The following ANKRD11 variants were observed in gnomAD, a reference collection of about 807,000 sequenced individuals.
ANKRD11 encodes ankyrin repeat domain-containing protein 11.
In ANKRD11, 17 loss-of-function variants were observed where a neutral mutation model predicts 195.7. The ratio of observed to expected loss-of-function variants is 0.09; its 90% CI spans 0.06 to 0.13. ANKRD11 has a LOEUF of 0.13. ANKRD11 is among the 10% of genes least tolerant of loss of function. ANKRD11 has a pLI of 1.00. For missense variants in ANKRD11, 3,735 were observed against 3,566.1 expected (o/e 1.05, Z -1.21); for synonymous variants, 1,953 against 1,528.1 (o/e 1.28, Z -6.49).
chr16:89,272,704 T>C (rs1019786431), intron 11 of ANKRD11: 67 of 152,098 alleles, frequency 4.4e-4, no homozygotes, highest in African/African-American at 1.5e-3. Context: ...ATTGAAACGG[T>C]GTCCACACTC....
chr16:89,306,585 G>A (rs868687474), intron 3 of ANKRD11, among the ~76,000 whole-genome samples: 56 of 24,370 alleles, frequency 2.3e-3, no homozygotes, highest in Admixed American at 3.5e-3. Flanking sequence ...CTCCCACTCC[G>A]CAGACACGCG....
At chr16:89,436,664 G>C (rs902418285) in intron 1 of ANKRD11, among the ~76,000 whole-genome samples, 2 of 152,184 alleles carry the variant, frequency 1.3e-5, no homozygotes, top group Non-Finnish European at 2.9e-5. Flanking sequence ...CCTCTAAGCT[G>C]CTCCTTCAGA....
intron 2 of ANKRD11, among the ~76,000 whole-genome samples, chr16:89,336,368 G>C (rs551153303): frequency 6.6e-6 from 1 of 152,182 alleles, no homozygotes; most frequent in Non-Finnish European, 1.5e-5. Context: ...GCGGGTGTGC[G>C]TCCACAGACA....
At chr16:89,315,924 C>T (rs1034251358) in intron 3 of ANKRD11, among the ~76,000 whole-genome samples, 1 of 151,970 alleles carries the variant, frequency 6.6e-6, no homozygotes, top group Non-Finnish European at 1.5e-5. Flanking sequence ...CAGGAAGCAG[C>T]AAGAGGCCTC....
intron 2 of ANKRD11, among the ~76,000 whole-genome samples, chr16:89,363,881 C>T (rs1465071832): frequency 1.3e-5 from 2 of 151,912 alleles, no homozygotes; most frequent in African/African-American, 4.8e-5. Context: ...CGTGGCAAAA[C>T]CCTGTCTCTA....
chr16:89,292,258 C>T (rs1474622270), intron 4 of ANKRD11, among the ~76,000 whole-genome samples: 2 of 152,200 alleles, frequency 1.3e-5, no homozygotes, highest in Non-Finnish European at 2.9e-5. Flanking sequence ...AGCCTCTCTT[C>T]AGGACTTCTC....
chr16:89,357,326 G>A (rs1239650781), intron 2 of ANKRD11, among the ~76,000 whole-genome samples: 1 of 152,148 alleles, frequency 6.6e-6, no homozygotes, highest in East Asian at 1.9e-4. Flanking sequence ...GTGTCCCGGG[G>A]ACAGGACACT....
chr16:89,449,366 G>A (rs547269772), intron 1 of ANKRD11, among the ~76,000 whole-genome samples: 24 of 151,864 alleles, frequency 1.6e-4, no homozygotes, highest in Non-Finnish European at 3.2e-4. Context: ...CCCTGTCTCA[G>A]AAAAAAAGAA....
At chr16:89,338,763 G>A (rs2038509996) in intron 2 of ANKRD11, among the ~76,000 whole-genome samples, 1 of 137,442 alleles carries the variant, frequency 7.3e-6, no homozygotes, top group African/African-American at 2.6e-5. Flanking sequence ...GCGAGCTTTT[G>A]TAGAAACAGG....
chr16:89,459,467 C>G (rs573414491), intron 1 of ANKRD11: 44 of 152,306 alleles, frequency 2.9e-4, no homozygotes, highest in African/African-American at 1.1e-3. Context: ...AGTATCCTTT[C>G]CTTTCTTTTT....
chr16:89,309,558 G>C (rs2036495606), intron 3 of ANKRD11, among the ~76,000 whole-genome samples: 1 of 152,208 alleles, frequency 6.6e-6, no homozygotes, highest in Admixed American at 6.5e-5. Flanking sequence ...AGCTGCGCAA[G>C]GAAAAGCACA....
At chr16:89,406,313 G>C (rs1018872246) in intron 2 of ANKRD11, among the ~76,000 whole-genome samples, 2 of 152,178 alleles carry the variant, frequency 1.3e-5, no homozygotes, top group Non-Finnish European at 2.9e-5. Flanking sequence ...CAGAAGCACA[G>C]ACCCTCACTG....
intron 1 of ANKRD11, among the ~76,000 whole-genome samples, chr16:89,447,166 T>C (rs979770493): frequency 6.6e-6 from 1 of 151,946 alleles, no homozygotes; most frequent in African/African-American, 2.4e-5. Context: ...ACCAGTGGCC[T>C]CCTCACCCCC....
intron 1 of ANKRD11, among the ~76,000 whole-genome samples, chr16:89,447,219 A>G (rs2043833115): frequency 6.6e-6 from 1 of 152,028 alleles, no homozygotes; most frequent in Non-Finnish European, 1.5e-5. Context: ...TTTAATCACT[A>G]TTGCTGCCCT....
chr16:89,270,722 T>G (rs1485510581), intron 12 of ANKRD11, 95 bp downstream of exon 12: 2 of 1,228,606 alleles, frequency 1.6e-6, no homozygotes, highest in Non-Finnish European at 2.3e-6. Flanking sequence ...GGCAGCGGCC[T>G]CCCCCCAGGC....
intron 3 of ANKRD11, chr16:89,313,173 A>C (rs1396270090): frequency 2.4e-6 from 2 of 850,052 alleles, no homozygotes; most frequent in East Asian, 1.3e-4. Flanking sequence ...AGAACCACCA[A>C]GTGAAGCTCA....
intron 12 of ANKRD11, chr16:89,270,055 G>C (rs1173543645): frequency 6.5e-6 from 1 of 154,070 alleles, no homozygotes; most frequent in Non-Finnish European, 1.4e-5. Flanking sequence ...CATCATCTTA[G>C]GGCTGGCCAG....
chr16:89,390,980 G>C (rs913231531), intron 2 of ANKRD11, among the ~76,000 whole-genome samples: 2 of 152,186 alleles, frequency 1.3e-5, no homozygotes, highest in Non-Finnish European at 2.9e-5. Context: ...TGTAATCACA[G>C]CATTTTGGGA....
At chr16:89,340,157 A>T (rs1195889241) in intron 2 of ANKRD11, among the ~76,000 whole-genome samples, 2 of 152,254 alleles carry the variant, frequency 1.3e-5, no homozygotes, top group Admixed American at 6.5e-5. Context: ...TAGAAATGGA[A>T]TTTCTAGCAA....
Sources: allele counts gnomAD v4.1 joint callset (sites outside exome capture counted in the v4.1 genomes callset), GRCh38; gene constraint gnomAD v4.1.1; transcripts MANE v1.5; gene names NCBI Gene and HGNC (gene_info 2026-07-23, HGNC 2026-07-21).